RBM14: variants seen among roughly 807,000 people sequenced by gnomAD.
RBM14 encodes the protein RNA-binding protein 14.
A neutral mutation model predicts 52.8 loss-of-function variants in RBM14; 5 were observed. The ratio of observed to expected loss-of-function variants is 0.09; its 90% CI spans 0.05 to 0.20. The LOEUF (loss-of-function observed/expected upper bound fraction) is 0.20. Ranked by LOEUF, RBM14 falls within the 10% of genes least tolerant of loss-of-function variation. The pLI is 1.00. For synonymous variants in RBM14, 411 were observed against 401.8 expected, an observed-to-expected ratio of 1.02 and a Z score of -0.28; for missense variants, 780 against 926.6, an observed-to-expected ratio of 0.84 and a Z score of 2.05.
rs1196505988 is a variant in RBM14, at chr11:66,628,142, CT to C, written c.*1478del. On this transcript the variant is annotated 3_prime_UTR_variant, in exon 3 of 3. Transcript: ENST00000310137. Reference sequence around the variant, plus strand: ...GTGGGGAATTGAGGACTCTTCTGTGCTTTTATTGTAGGGCTGGGGATCGAGG... The same window carrying C: ...GTGGGGAATTGAGGACTCTTCTGTGCTTTATTGTAGGGCTGGGGATCGAGG... 1.3e-5 allele frequency among the ~76,000 whole-genome samples: 2 copies of C among 152,052 alleles called. No individual in the cohort carries two copies. Among genetic ancestry groups the C allele is most frequent in the African/African-American group, 4.8e-5 (2 of 41,404 alleles).
chr11:66,624,995 C>T lies in RBM14; in HGVS notation c.1119C>T (p.Ser373=). Residue 373 remains serine (S), a synonymous_variant, in exon 2 of 3, where the codon TCC becomes TCT. Coordinates refer to ENST00000310137, the MANE Select transcript of RBM14 (RefSeq NM_006328.4). This position sits in a 1 kb window ranked among gnomAD's most constrained non-coding sequence, Gnocchi z 4.7. ...SSYNTQGAAS[S]LGSYGAQAAS... ...ACAACACCCAGGGAGCAGCTTCCTC[C>T]TTAGGCTCCTACGGGGCTCAGGCAG... 2 of 1,613,912 alleles carry T rather than the reference C, an allele frequency of 1.2e-6. No individual in the cohort carries two copies. The highest frequency in any genetic ancestry group is 2.2e-5 in the South Asian group (2 of 91,078).
chr11:66,625,867 T>C lies in RBM14; in HGVS notation c.1802+189T>C. 1 of 590,090 alleles carries C rather than the reference T, an allele frequency of 1.7e-6. No homozygotes were observed. Among genetic ancestry groups the C allele is most frequent in the Non-Finnish European group, 3.0e-6 (1 of 337,354 alleles). The allele number at this position is 590,090 out of a possible 1,614,324, so 36.6% of individuals were successfully genotyped here. On this transcript the variant is annotated intron_variant, in intron 2 of 2. Coordinates refer to ENST00000310137, the MANE Select transcript of RBM14 (RefSeq NM_006328.4). The surrounding 1 kb of genome is among the most constrained non-coding windows in gnomAD (Gnocchi z 4.2). ...TGGTCACCAGGGTTCAGGTGGAGCA[T>C]AGTGCTCAGCCTGGGGTGGTACCTG...
chr11:66,624,025 A>T lies in RBM14; in HGVS notation c.338-189A>T. 1 of 982,668 alleles carries T rather than the reference A, an allele frequency of 1.0e-6. No homozygotes were observed. The highest frequency in any genetic ancestry group is 1.6e-6 in the Non-Finnish European group (1 of 628,588). 60.9% of individuals were successfully genotyped at this position (982,668 alleles called of 1,614,324 possible). Reference sequence around the variant, plus strand: ...GGGAAGAAGGCTGTAGGCAAAGATGACTGCTTGGGACAGTCAGAAGCTTTG... The same window carrying T: ...GGGAAGAAGGCTGTAGGCAAAGATGTCTGCTTGGGACAGTCAGAAGCTTTG... On this transcript the variant is annotated intron_variant, in intron 1 of 2. Coordinates refer to ENST00000310137, the MANE Select transcript of RBM14 (RefSeq NM_006328.4). The surrounding 1 kb of genome is among the most constrained non-coding windows in gnomAD (Gnocchi z 4.7).
chr11:66,622,243 T>G (rs1405631357), intron 1 of RBM14, among the ~76,000 whole-genome samples: 1 of 149,340 alleles, frequency 6.7e-6, no homozygotes, highest in Non-Finnish European at 1.5e-5. Context: ...TCTTTTTTTT[T>G]TTTTTTGAAA....
intron 1 of RBM14, among the ~76,000 whole-genome samples, chr11:66,619,959 C>T (rs1336024665): frequency 1.3e-5 from 2 of 152,220 alleles, no homozygotes; most frequent in Admixed American, 1.3e-4. Context: ...GCCACCAGAC[C>T]ATTTGGAGAT....
At chr11:66,617,441 C>T (rs964106634) in intron 1 of RBM14, 1 of 1,044,000 alleles carries the variant, frequency 9.6e-7, no homozygotes, top group African/African-American at 1.7e-5. Context: ...TCTCCACTTC[C>T]CCACTTCCTC....
chr11:66,617,808 G>A (rs1342046960), intron 1 of RBM14, among the ~76,000 whole-genome samples: 1 of 152,216 alleles, frequency 6.6e-6, no homozygotes, highest in Non-Finnish European at 1.5e-5. Flanking sequence ...CTTGTTTTAT[G>A]AAGTCCCCTT....
Position 66,616,664 on chromosome 11 carries a change from T to C in RBM14, c.-57T>C, listed in dbSNP as rs1452288568. ...GAGGACTGCCGGTCGTTCGGACGTCTTGCCTGTCGCTGGAGGAGAGGTCCG... is the reference window on the plus strand; with the variant it reads ...GAGGACTGCCGGTCGTTCGGACGTCCTGCCTGTCGCTGGAGGAGAGGTCCG... On this transcript the variant is annotated 5_prime_UTR_variant, in exon 1 of 3. Coordinates refer to ENST00000310137, the MANE Select transcript of RBM14 (RefSeq NM_006328.4). 6 of 1,518,484 alleles carry C rather than the reference T, an allele frequency of 4.0e-6. No homozygotes were observed. The highest frequency in any genetic ancestry group is 1.4e-5 in the African/African-American group (1 of 71,820). The allele number at this position is 1,518,484 out of a possible 1,614,324, so 94.1% of individuals were successfully genotyped here. A position where few individuals can be genotyped will look rare whatever the true frequency, so the allele number is the denominator to read the frequency against.
In RBM14 at chr11:66,628,262, A is replaced by G. The variant is rs918313733; in HGVS notation, c.*1594A>G. 1.3e-5 allele frequency among the ~76,000 whole-genome samples: 2 copies of G among 152,082 alleles called. No homozygotes were observed. Among genetic ancestry groups the G allele is most frequent in the African/African-American group, 4.8e-5 (2 of 41,382 alleles). On this transcript the variant is annotated 3_prime_UTR_variant, in exon 3 of 3. Transcript: ENST00000310137. ...TGGAAGACTGGTTGAGTGGGATGAT[A>G]ATGGGAGAACTTACTGATGCTCTTT...
chr11:66,625,526 G>T lies in RBM14; in HGVS notation c.1650G>T (p.Gly550=). ...GCCAGCCAGGCAATGCCTACGATGGGGCAGGTCAGCCGTCTGCAGCCTACC... is the reference window on the plus strand; with the variant it reads ...GCCAGCCAGGCAATGCCTACGATGGTGCAGGTCAGCCGTCTGCAGCCTACC... ...YRGQPGNAYD[G]AGQPSAAYLS... Residue 550 remains glycine, a synonymous_variant, in exon 2 of 3, where the codon GGG becomes GGT. Transcript: ENST00000310137. This position sits in a 1 kb window ranked among gnomAD's most constrained non-coding sequence, Gnocchi z 4.2. 1.2e-6 allele frequency: 2 copies of T among 1,612,694 alleles called. No individual in the cohort carries two copies. The highest frequency in any genetic ancestry group is 1.7e-6 in the Non-Finnish European group (2 of 1,179,508).
At chr11:66,621,090 T>C (rs1859086783) in intron 1 of RBM14, among the ~76,000 whole-genome samples, 1 of 152,114 alleles carries the variant, frequency 6.6e-6, no homozygotes, top group Admixed American at 6.6e-5. Flanking sequence ...ACTGTAGTCT[T>C]GACCTCCTGA....
In RBM14 at chr11:66,628,208, A is replaced by T. The variant is rs1157390840; in HGVS notation, c.*1540A>T. ...TATGACATTTCCAACCAGGGACAAAATGGAGGCTTGGGCTTAGTGATGGGT... is the reference window on the plus strand; with the variant it reads ...TATGACATTTCCAACCAGGGACAAATTGGAGGCTTGGGCTTAGTGATGGGT... On this transcript the variant is annotated 3_prime_UTR_variant, in exon 3 of 3. Coordinates refer to ENST00000310137, the MANE Select transcript of RBM14 (RefSeq NM_006328.4). 6.6e-6 allele frequency among the ~76,000 whole-genome samples: 1 copy of T among 152,130 alleles called. No homozygotes were observed. Among genetic ancestry groups the T allele is most frequent in the East Asian group, 1.9e-4 (1 of 5,196 alleles).
chr11:66,619,878 A>G (rs997579915), intron 1 of RBM14, among the ~76,000 whole-genome samples: 2 of 152,188 alleles, frequency 1.3e-5, no homozygotes, highest in Non-Finnish European at 2.9e-5. Flanking sequence ...CAAGTTTAAG[A>G]TTTTTAGTCT....
chr11:66,626,517 C>T lies in RBM14; in HGVS notation c.1859C>T (p.Ser620Leu), dbSNP rs1413806535. 2 of 1,613,970 alleles carry T rather than the reference C, an allele frequency of 1.2e-6. No individual in the cohort carries two copies. The highest frequency in any genetic ancestry group is 1.7e-6 in the Non-Finnish European group (2 of 1,180,026). The change falls in exon 3 of 3, where the codon TCG (serine) becomes TTG (leucine). Residue 620 changes from serine to leucine, a missense_variant. Coordinates refer to ENST00000310137, the MANE Select transcript of RBM14 (RefSeq NM_006328.4). ...TCTGATTACCGCCGTTTATCAGAGTCGCAGCTTTCGTTCCGCCGCTCGCCG... is the reference window on the plus strand; with the variant it reads ...TCTGATTACCGCCGTTTATCAGAGTTGCAGCTTTCGTTCCGCCGCTCGCCG... ...ELSDYRRLSESQLSFRRSPTK... is the reference protein window; with the variant it reads ...ELSDYRRLSELQLSFRRSPTK...
At chr11:66,626,027 T>C (rs1181822844) in intron 2 of RBM14, among the ~76,000 whole-genome samples, 1 of 152,184 alleles carries the variant, frequency 6.6e-6, no homozygotes, top group African/African-American at 2.4e-5. Flanking sequence ...TTGTCCTGGC[T>C]TTGGCAGGGA....
intron 1 of RBM14, among the ~76,000 whole-genome samples, chr11:66,619,756 C>T (rs1477371068): frequency 6.6e-6 from 1 of 152,026 alleles, no homozygotes; most frequent in African/African-American, 2.4e-5. Context: ...TTAGTAGAGA[C>T]GGGGTTTCAC....
At chr11:66,619,914 G>T (rs1223524924) in intron 1 of RBM14, among the ~76,000 whole-genome samples, 3 of 152,218 alleles carry the variant, frequency 2.0e-5, no homozygotes, top group Non-Finnish European at 4.4e-5. Flanking sequence ...TGTTTTTCTG[G>T]ATTCACTTAA....
At chr11:66,626,164 C>A (rs1937797837) in intron 2 of RBM14, among the ~76,000 whole-genome samples, 1 of 152,222 alleles carries the variant, frequency 6.6e-6, no homozygotes, top group Non-Finnish European at 1.5e-5. Context: ...CAAGGTCTTT[C>A]TCTGCAGGGC....
rs1261509169 is a variant in RBM14, at chr11:66,625,012, C to T, written c.1136C>T (p.Ala379Val). 13 of 1,613,726 alleles carry T rather than the reference C, an allele frequency of 8.1e-6. No homozygotes were observed. Among genetic ancestry groups the T allele is most frequent in the Non-Finnish European group, 1.1e-5 (13 of 1,179,748 alleles). The stretch of plus-strand genomic sequence containing the variant: ...GCTTCCTCCTTAGGCTCCTACGGGG[C>T]TCAGGCAGCCTCCTATGGGGCCCAG... ...GAASSLGSYG[A>V]QAASYGAQSA... The change falls in exon 2 of 3, where the codon GCT becomes GTT. Residue 379 changes from alanine (A) to valine (V), a missense_variant. Physicochemically the swap from Ala to Val is moderately conservative, Grantham distance 64 (BLOSUM62 0). Coordinates refer to ENST00000310137, the MANE Select transcript of RBM14 (RefSeq NM_006328.4). The surrounding 1 kb of genome is among the most constrained non-coding windows in gnomAD (Gnocchi z 4.2).
Sources: gnomAD v4.1 joint callset for allele counts (sites outside exome capture counted in the v4.1 genomes callset) on GRCh38, gnomAD v4.1.1 for gene constraint, Gnocchi (gnomAD v3.1) non-coding constraint, MANE v1.5 for transcripts, NCBI Gene and HGNC (gene_info 2026-07-23, HGNC 2026-07-21) for gene names.